Variants in ASB3 observed in about 807,000 individuals in gnomAD.
The protein encoded by ASB3 is ankyrin repeat and SOCS box containing 3.
Under a neutral mutation model 54.5 loss-of-function variants are expected in ASB3, and 41 were observed. That is an observed-to-expected ratio of 0.75 (90% CI 0.59 to 0.98). The LOEUF (loss-of-function observed/expected upper bound fraction) is 0.98. Ranked by LOEUF, ASB3 falls within the 50% of genes least tolerant of loss-of-function variation. The pLI is 0.00. For synonymous variants in ASB3, 266 were observed against 221.2 expected (o/e 1.20, Z -1.80); for missense variants, 733 against 620.0 (o/e 1.18, Z -1.94).
intron 2 of ASB3, among the ~76,000 whole-genome samples, chr2:53,751,181 C>T (rs924004774): frequency 6.6e-6 from 1 of 152,098 alleles, no homozygotes; most frequent in African/African-American, 2.4e-5. Flanking sequence ...TTTCTCTTCT[C>T]TAATTTTTGG....
intron 2 of ASB3, among the ~76,000 whole-genome samples, chr2:53,761,561 G>T (rs1673148699): frequency 6.6e-6 from 1 of 152,126 alleles, no homozygotes; most frequent in Admixed American, 6.5e-5. Flanking sequence ...CCACACCCCA[G>T]TTCTCAGTCC....
chr2:53,723,396 T>C (rs187079331), intron 5 of ASB3, among the ~76,000 whole-genome samples: 1 of 152,206 alleles, frequency 6.6e-6, no homozygotes, highest in Non-Finnish European at 1.5e-5. Flanking sequence ...AGAAAGTTCT[T>C]TAGTGGTGAT....
intron 9 of ASB3, among the ~76,000 whole-genome samples, chr2:53,673,763 C>T (rs908813135): frequency 1.3e-5 from 2 of 152,166 alleles, no homozygotes; most frequent in East Asian, 1.9e-4. Flanking sequence ...AATATCTTTC[C>T]ATTTAATAAT....
intron 1 of ASB3, among the ~76,000 whole-genome samples, chr2:53,772,543 C>A (rs1250209201): frequency 6.6e-6 from 1 of 151,872 alleles, no homozygotes; most frequent in Admixed American, 6.6e-5. Flanking sequence ...AACGGAAATA[C>A]CTGCCCCCGA....
chr2:53,679,380 T>C (rs990167870), intron 9 of ASB3, among the ~76,000 whole-genome samples: 4 of 152,130 alleles, frequency 2.6e-5, no homozygotes, highest in Non-Finnish European at 5.9e-5. Context: ...AGCAAGACTT[T>C]ACTCCCAACT....
intron 5 of ASB3, among the ~76,000 whole-genome samples, chr2:53,720,855 T>G (rs1670664091): frequency 3.3e-5 from 5 of 151,828 alleles, no homozygotes; most frequent in Admixed American, 2.6e-4. Context: ...CTCAATAAAT[T>G]TAAAAAACTG....
intron 9 of ASB3, among the ~76,000 whole-genome samples, chr2:53,680,114 TG>T (rs1423083134): frequency 6.6e-6 from 1 of 152,236 alleles, no homozygotes; most frequent in Non-Finnish European, 1.5e-5. Flanking sequence ...ATGGTGCGTA[TG>T]TACCACATTT....
chr2:53,709,828 G>A lies in ASB3; in HGVS notation c.980+4556C>T, dbSNP rs138008397. Among the ~76,000 whole-genome samples, 129 of 152,192 alleles carry A rather than the reference G, an allele frequency of 8.5e-4. 1 individual carries two copies. Among genetic ancestry groups the A allele is most frequent in the East Asian group, 4.6e-3 (24 of 5,182 alleles). On this transcript the variant is annotated intron_variant, in intron 7 of 9. Coordinates refer to ENST00000263634, the MANE Select transcript of ASB3 (RefSeq NM_016115.5). ...ATCAGGGCTTGTGTATGTGATCTGC[G>A]GAGGTGACAGCCATAATTTCAATGA...
At chr2:53,757,499 G>A (rs1329547806) in intron 2 of ASB3, among the ~76,000 whole-genome samples, 1 of 152,144 alleles carries the variant, frequency 6.6e-6, no homozygotes. Context: ...ATACCTCCTG[G>A]GTCCCGACCA....
chr2:53,706,522 T>G (rs915284883), intron 7 of ASB3, among the ~76,000 whole-genome samples: 5 of 152,070 alleles, frequency 3.3e-5, no homozygotes, highest in Non-Finnish European at 1.5e-5. Context: ...CTTGGCTCAC[T>G]GCAAGCTCTG....
At chr2:53,670,773 A>G in intron 9 of ASB3, 83 bp from the exon 10 acceptor site, 1 of 1,428,072 alleles carries the variant, frequency 7.0e-7, no homozygotes, top group Non-Finnish European at 9.4e-7. Context: ...TTTTTCCCCC[A>G]ACTCTTAGTA....
At chr2:53,723,978 A>G (rs1247865282) in intron 5 of ASB3, among the ~76,000 whole-genome samples, 1 of 152,168 alleles carries the variant, frequency 6.6e-6, no homozygotes, top group Middle Eastern at 3.2e-3. Context: ...AACTATAAAA[A>G]TCCTAGTTAG....
At position 53,680,694 on chromosome 2, in the gene ASB3, T is replaced by C. The variant is rs189293328; in HGVS notation, c.1370-10004A>G. On this transcript the variant is annotated intron_variant, in intron 9 of 9. Coordinates refer to ENST00000263634, the MANE Select transcript of ASB3 (RefSeq NM_016115.5). ...CATATCAGGGTAAATGGGGTATTCA[T>C]TGCCTCAAGCATTTATCCTTTCTTT... is the stretch of plus-strand genomic sequence containing the variant. 1.1e-3 allele frequency among the ~76,000 whole-genome samples: 167 copies of C among 152,340 alleles called. 2 individuals carry two copies. The highest frequency in any genetic ancestry group is 3.8e-3 in the African/African-American group (160 of 41,584).
rs143394420 is a variant in ASB3, at chr2:53,690,598, T to C, written c.1369+3286A>G. Among the ~76,000 whole-genome samples the C allele has an allele frequency of 1.1e-4, 16 of 151,268 alleles. No homozygotes were observed. The East Asian group carries it at 2.9e-3, about 28-fold the overall frequency. On this transcript the variant is annotated intron_variant, in intron 9 of 9. Coordinates refer to ENST00000263634, the MANE Select transcript of ASB3 (RefSeq NM_016115.5). ...TTATGAACCCAGTCACCTAGTGTCA[T>C]TGACAACAGAGCTCAGAGCCAAATG...
intron 7 of ASB3, 22 bp from the exon 8 acceptor site, chr2:53,700,550 CAAAA>C: frequency 6.4e-7 from 1 of 1,573,464 alleles, no homozygotes; most frequent in Non-Finnish European, 8.6e-7. Flanking sequence ...AAAATAAAAA[CAAAA>C]AAAGAAGAAG....
At chr2:53,743,268 G>A (rs1316763376) in intron 3 of ASB3, among the ~76,000 whole-genome samples, 2 of 149,002 alleles carry the variant, frequency 1.3e-5, no homozygotes, top group Non-Finnish European at 3.0e-5. Flanking sequence ...GCTTCCCAAA[G>A]TGCTGGGAAT....
intron 7 of ASB3, among the ~76,000 whole-genome samples, chr2:53,704,875 T>A (rs1003289192): frequency 1.3e-5 from 2 of 152,238 alleles, no homozygotes; most frequent in Non-Finnish European, 1.5e-5. Flanking sequence ...TGATCACTTA[T>A]GAAAACTCTC....
chr2:53,682,842 T>C (rs1335710863), intron 9 of ASB3, among the ~76,000 whole-genome samples: 2 of 152,246 alleles, frequency 1.3e-5, no homozygotes, highest in South Asian at 2.1e-4. Context: ...TGAAAACTTA[T>C]TGAATCTGTT....
At chr2:53,678,858 G>A (rs2103652738) in intron 9 of ASB3, among the ~76,000 whole-genome samples, 1 of 152,248 alleles carries the variant, frequency 6.6e-6, no homozygotes, top group Non-Finnish European at 1.5e-5. Flanking sequence ...TGCTACACCT[G>A]TTGCAAGGTC....
Sources: gnomAD v4.1 joint callset for allele counts (sites outside exome capture counted in the v4.1 genomes callset) on GRCh38, gnomAD v4.1.1 for gene constraint, MANE v1.5 for transcripts, NCBI Gene and HGNC (gene_info 2026-07-23, HGNC 2026-07-21) for gene names.